SPATS2: variants seen among roughly 807,000 people sequenced by gnomAD.
SPATS2 encodes the protein spermatogenesis-associated serine-rich protein 2.
SPATS2 carries 38 observed loss-of-function variants against 63.7 expected under a neutral mutation model. That is an observed-to-expected ratio of 0.60 (90% confidence interval 0.46 to 0.78). The LOEUF (loss-of-function observed/expected upper bound fraction) is 0.78, where lower values mean the gene tolerates loss of function less well. SPATS2 is among the 30% of genes least tolerant of loss of function. SPATS2 has a pLI of 0.00. For missense variants in SPATS2, 588 were observed against 666.2 expected, an observed-to-expected ratio of 0.88 and a Z score of 1.29; for synonymous variants, 207 against 232.9, an observed-to-expected ratio of 0.89 and a Z score of 1.01.
intron 2 of SPATS2, among the ~76,000 whole-genome samples, chr12:49,379,665 C>T (rs1431837549): frequency 6.8e-6 from 1 of 147,822 alleles, no homozygotes; most frequent in Non-Finnish European, 1.5e-5. Context: ...CTCTGTTGCC[C>T]AGGCTGGAGT....
chr12:49,401,167 T>A (rs1944599043), intron 2 of SPATS2, among the ~76,000 whole-genome samples: 1 of 152,150 alleles, frequency 6.6e-6, no homozygotes, highest in Admixed American at 6.5e-5. Flanking sequence ...AGTACCACCA[T>A]GCCTGGCTAA....
At chr12:49,448,198 C>T (rs1277096942) in intron 2 of SPATS2, among the ~76,000 whole-genome samples, 3 of 147,518 alleles carry the variant, frequency 2.0e-5, no homozygotes, top group East Asian at 2.0e-4. Flanking sequence ...AGTGCAGTGG[C>T]GTGATCTCGG....
chr12:49,417,013 A>G (rs759282807), intron 2 of SPATS2, among the ~76,000 whole-genome samples: 1 of 152,204 alleles, frequency 6.6e-6, no homozygotes, highest in Non-Finnish European at 1.5e-5. Flanking sequence ...AGGGAGATGA[A>G]AGATGGCCTC....
chr12:49,495,044 AAAAACAGGG>A (rs1190657555), intron 7 of SPATS2, 42 bp downstream of exon 7: 1 of 1,492,926 alleles, frequency 6.7e-7, no homozygotes, highest in Non-Finnish European at 8.9e-7. Context: ...CATTCAGTTG[AAAAACAGGG>A]TTCTCCTCGT....
At chr12:49,507,839 C>A (rs1028294724) in intron 9 of SPATS2, among the ~76,000 whole-genome samples, 1 of 152,054 alleles carries the variant, frequency 6.6e-6, no homozygotes, top group Admixed American at 6.6e-5. Flanking sequence ...CCGGTTAATA[C>A]GATTGCATTT....
intron 3 of SPATS2, among the ~76,000 whole-genome samples, chr12:49,482,368 C>A (rs1946221054): frequency 6.6e-6 from 1 of 152,136 alleles, no homozygotes; most frequent in Admixed American, 6.6e-5. Context: ...TGAGGGGTAG[C>A]TGTGGGCTGA....
chr12:49,403,638 C>A (rs892096878), intron 2 of SPATS2, among the ~76,000 whole-genome samples: 6 of 145,928 alleles, frequency 4.1e-5, no homozygotes, highest in African/African-American at 1.6e-4. Flanking sequence ...CACACACACA[C>A]ACAAACAAAA....
At chr12:49,517,081 G>A (rs897546779) in intron 10 of SPATS2, among the ~76,000 whole-genome samples, 2 of 152,136 alleles carry the variant, frequency 1.3e-5, no homozygotes, top group African/African-American at 4.8e-5. Flanking sequence ...CGTGTAGAAA[G>A]CTTTTTATTC....
intron 2 of SPATS2, among the ~76,000 whole-genome samples, chr12:49,418,570 G>A (rs927294457): frequency 2.0e-5 from 3 of 151,946 alleles, no homozygotes; most frequent in African/African-American, 2.4e-5. Flanking sequence ...AAAAGTGCTG[G>A]GATTGCAGGC....
At chr12:49,387,021 G>A (rs1025973803) in intron 2 of SPATS2, 1 of 152,152 alleles carries the variant, frequency 6.6e-6, no homozygotes, top group Non-Finnish European at 1.5e-5. Context: ...AATTTTTATA[G>A]GATATTCGAT....
intron 2 of SPATS2, among the ~76,000 whole-genome samples, chr12:49,442,849 G>A (rs1945447125): frequency 7.6e-6 from 1 of 132,296 alleles, no homozygotes; most frequent in Non-Finnish European, 1.6e-5. Flanking sequence ...CACCATTCAT[G>A]TCCAGAACTC....
intron 2 of SPATS2, among the ~76,000 whole-genome samples, chr12:49,428,925 C>T (rs1194550714): frequency 4.6e-5 from 7 of 152,000 alleles, no homozygotes. Flanking sequence ...TGTTTAAATC[C>T]GTTATGAAGA....
At position 49,428,183 on chromosome 12, in the gene SPATS2, A is replaced by G. The variant is rs538989945; in HGVS notation, c.-243-32587A>G. On this transcript the variant is annotated intron_variant, in intron 2 of 13. Transcript: ENST00000552918. ...GGCAGGAGAATGGCGTGAACCCAGG[A>G]GGCGGAGCTTGCAGTGAGTCGAGAT... Among the ~76,000 whole-genome samples the G allele has an allele frequency of 1.0e-3, 152 of 152,168 alleles. 1 individual carries two copies. The highest frequency in any genetic ancestry group is 3.5e-3 in the African/African-American group (144 of 41,530).
chr12:49,460,103 C>T (rs187267070), intron 2 of SPATS2, among the ~76,000 whole-genome samples: 8 of 150,678 alleles, frequency 5.3e-5, no homozygotes, highest in African/African-American at 2.0e-4. Context: ...AGCGAAACTC[C>T]GCCTCAAAAA....
At chr12:49,442,825 A>G (rs980271416) in intron 2 of SPATS2, among the ~76,000 whole-genome samples, 7 of 147,074 alleles carry the variant, frequency 4.8e-5, no homozygotes, top group Non-Finnish European at 1.5e-5. Context: ...AAAAAAAATT[A>G]CATTCACCAT....
At chr12:49,525,581 T>TTTTGGA (rs1725832751) in intron 13 of SPATS2, among the ~76,000 whole-genome samples, 1 of 152,224 alleles carries the variant, frequency 6.6e-6, no homozygotes, top group Admixed American at 6.5e-5. Flanking sequence ...TCCAAATGTG[T>TTTTGGA]ATTATCTTTA....
At chr12:49,495,213 A>G (rs931327030) in intron 7 of SPATS2, among the ~76,000 whole-genome samples, 8 of 151,808 alleles carry the variant, frequency 5.3e-5, no homozygotes, top group Non-Finnish European at 1.2e-4. Context: ...TTTTTTTTTG[A>G]GATGGAATCT....
Position 49,460,804 on chromosome 12 carries a change from A to C in SPATS2, c.-209A>C, listed in dbSNP as rs878938401. Reference sequence around the variant, plus strand: ...GGAAAAGGAGACATGAATGTCTGCAATGATACTTCCTGACAAGAAGTTGAT... The same window carrying C: ...GGAAAAGGAGACATGAATGTCTGCACTGATACTTCCTGACAAGAAGTTGAT... On this transcript the variant is annotated 5_prime_UTR_variant, in exon 3 of 14. The change abolishes an upstream ATG in the 5' untranslated region. Coordinates refer to ENST00000552918, the MANE Select transcript of SPATS2 (RefSeq NM_023071.4). 1.5e-5 allele frequency: 9 copies of C among 598,186 alleles called. No individual in the cohort carries two copies. Among genetic ancestry groups the C allele is most frequent in the Non-Finnish European group, 2.7e-5 (9 of 331,844 alleles). The allele number at this position is 598,186 out of a possible 1,614,324, so 37.1% of individuals were successfully genotyped here.
chr12:49,390,807 T>C (rs1265650372), intron 2 of SPATS2, among the ~76,000 whole-genome samples: 4 of 152,166 alleles, frequency 2.6e-5, no homozygotes, highest in African/African-American at 9.7e-5. Flanking sequence ...ATTTCAGGAA[T>C]GAAAAAGAAG....
Sources: gnomAD v4.1 joint callset for allele counts (sites outside exome capture counted in the v4.1 genomes callset) on GRCh38, gnomAD v4.1.1 for gene constraint, MANE v1.5 for transcripts, NCBI Gene and HGNC (gene_info 2026-07-23, HGNC 2026-07-21) for gene names.